Variants in ASTN1 observed in about 807,000 individuals in gnomAD.
The protein encoded by ASTN1 is astrotactin-1.
In ASTN1, 41 loss-of-function variants were observed where a neutral mutation model predicts 140.7. The ratio of observed to expected loss-of-function variants is 0.29; its 90% CI spans 0.23 to 0.38. The LOEUF is 0.38. Among genes scored for constraint, ASTN1 ranks in the 10% least tolerant of loss-of-function variants. The pLI is 1.00. For missense variants in ASTN1, 1,479 were observed against 1,678.8 expected (o/e 0.88, Z 2.08); for synonymous variants, 640 against 652.2 (o/e 0.98, Z 0.29).
intron 16 of ASTN1, among the ~76,000 whole-genome samples, chr1:176,905,028 A>G (rs1202887570): frequency 2.0e-5 from 3 of 152,184 alleles, no homozygotes; most frequent in African/African-American, 7.2e-5. Flanking sequence ...TACCTCTCAG[A>G]GCACCCCTGC....
At chr1:177,107,757 A>T (rs1487155648) in intron 1 of ASTN1, among the ~76,000 whole-genome samples, 5 of 152,180 alleles carry the variant, frequency 3.3e-5, no homozygotes, top group Non-Finnish European at 7.3e-5. Flanking sequence ...TGTATACTGC[A>T]CTATTCCTTC....
chr1:176,862,414 G>C lies in ASTN1; in HGVS notation c.*1870C>G. 2 of 985,468 alleles carry C rather than the reference G, an allele frequency of 2.0e-6. No individual in the cohort carries two copies. Among genetic ancestry groups the C allele is most frequent in the South Asian group, 4.7e-5 (1 of 21,288 alleles). 61.0% of individuals were successfully genotyped at this position (985,468 alleles called of 1,614,324 possible). On this transcript the variant is annotated 3_prime_UTR_variant, in exon 23 of 23. Transcript: ENST00000361833. The stretch of plus-strand genomic sequence containing the variant: ...GTCCCAAGGGTGCTCTAGCTCCAAA[G>C]GCTAAGGGCGTACTTTCGCCCCTCC...
At chr1:176,974,537 C>T (rs2101868801) in intron 8 of ASTN1, among the ~76,000 whole-genome samples, 1 of 152,188 alleles carries the variant, frequency 6.6e-6, no homozygotes, top group South Asian at 2.1e-4. Context: ...AGGTGCCCTC[C>T]ACCAGGCCCG....
Position 176,863,788 on chromosome 1 carries a change from T to C in ASTN1, c.*496A>G, listed in dbSNP as rs1302861650. 1 of 988,942 alleles carries C rather than the reference T, an allele frequency of 1.0e-6. No individual in the cohort carries two copies. 61.3% of individuals were successfully genotyped at this position (988,942 alleles called of 1,614,324 possible). A position where few individuals can be genotyped will look rare whatever the true frequency, so the allele number is the denominator to read the frequency against. ...CTCAATTTTCTATTGTCTCTCTCTG[T>C]GAGCAGGGCCAAGGCTCCCAGAGTG... On this transcript the variant is annotated 3_prime_UTR_variant, in exon 23 of 23. Coordinates refer to ENST00000361833, the MANE Select transcript of ASTN1 (RefSeq NM_004319.3).
At chr1:176,949,702 C>A (rs1234023079) in intron 11 of ASTN1, among the ~76,000 whole-genome samples, 1 of 152,226 alleles carries the variant, frequency 6.6e-6, no homozygotes, top group Non-Finnish European at 1.5e-5. Flanking sequence ...AATGAAAATG[C>A]ATTTGCAAAG....
chr1:176,888,624 T>C (rs79175195), intron 17 of ASTN1, among the ~76,000 whole-genome samples: 2,961 of 152,334 alleles, frequency 0.019, 78 homozygotes, highest in African/African-American at 0.068. Flanking sequence ...CTGTGCATCC[T>C]TATCTACCTG....
In ASTN1 at chr1:176,861,589, A is replaced by T; in HGVS notation, c.*2695T>A. 1.0e-6 allele frequency: 1 copy of T among 985,600 alleles called. No individual in the cohort carries two copies. Among genetic ancestry groups the T allele is most frequent in the Non-Finnish European group, 1.2e-6 (1 of 829,942 alleles). The allele number at this position is 985,600 out of a possible 1,614,324, so 61.1% of individuals were successfully genotyped here. ...AAATCCTCCAGTCAATTGTACAACC[A>T]TCCTAAGATTTTCCCCTGCCCTGTT... On this transcript the variant is annotated 3_prime_UTR_variant, in exon 23 of 23. Coordinates refer to ENST00000361833, the MANE Select transcript of ASTN1 (RefSeq NM_004319.3).
chr1:177,006,267 A>G (rs1266356698), intron 8 of ASTN1, among the ~76,000 whole-genome samples: 3 of 152,232 alleles, frequency 2.0e-5, no homozygotes, highest in Non-Finnish European at 2.9e-5. Flanking sequence ...GAACAAAAAT[A>G]TATACAGAAT....
chr1:176,864,955 T>C (rs970804641), intron 22 of ASTN1, among the ~76,000 whole-genome samples: 1 of 152,238 alleles, frequency 6.6e-6, no homozygotes, highest in East Asian at 1.9e-4. Flanking sequence ...GCAGCCGTTA[T>C]GTTGAACTGA....
intron 1 of ASTN1, among the ~76,000 whole-genome samples, chr1:177,096,371 A>G (rs181529573): frequency 1.8e-4 from 28 of 152,288 alleles, no homozygotes; most frequent in African/African-American, 6.3e-4. Flanking sequence ...GAATGCTATG[A>G]TCTGAATGTT....
chr1:177,040,720 C>G (rs1473498579), intron 2 of ASTN1, among the ~76,000 whole-genome samples: 1 of 152,156 alleles, frequency 6.6e-6, no homozygotes, highest in Non-Finnish European at 1.5e-5. Context: ...TTTGCTTCTC[C>G]TAGCTCTAAA....
chr1:176,904,058 C>G (rs1293740507), intron 16 of ASTN1, among the ~76,000 whole-genome samples: 2 of 152,216 alleles, frequency 1.3e-5, no homozygotes, highest in African/African-American at 2.4e-5. Flanking sequence ...GTCACCTCAT[C>G]TTAATGTAAT....
intron 1 of ASTN1, among the ~76,000 whole-genome samples, chr1:177,080,381 G>A (rs1679123187): frequency 6.6e-6 from 1 of 151,338 alleles, no homozygotes; most frequent in Non-Finnish European, 1.5e-5. Context: ...GCTGCCTTAT[G>A]TCCTTTAGAC....
At chr1:176,871,063 T>A (rs1159540997) in intron 21 of ASTN1, among the ~76,000 whole-genome samples, 1 of 152,168 alleles carries the variant, frequency 6.6e-6, no homozygotes, top group Admixed American at 6.5e-5. Flanking sequence ...TGGGAATAGA[T>A]GATGTATAAT....
chr1:176,924,890 G>A (rs1275105176), intron 16 of ASTN1, among the ~76,000 whole-genome samples: 1 of 152,132 alleles, frequency 6.6e-6, no homozygotes, highest in Non-Finnish European at 1.5e-5. Flanking sequence ...AAACTTTCTA[G>A]AGGGAAAAAT....
intron 2 of ASTN1, among the ~76,000 whole-genome samples, chr1:177,033,554 T>G (rs1032927353): frequency 6.6e-6 from 1 of 152,134 alleles, no homozygotes; most frequent in Admixed American, 6.5e-5. Flanking sequence ...TGAATAGAAA[T>G]TTACATCCAT....
intron 1 of ASTN1, among the ~76,000 whole-genome samples, chr1:177,064,549 C>T (rs529132070): frequency 7.2e-5 from 11 of 152,282 alleles, no homozygotes; most frequent in Non-Finnish European, 1.3e-4. Flanking sequence ...ACAAAGTACT[C>T]CCATGGGGAG....
intron 1 of ASTN1, among the ~76,000 whole-genome samples, chr1:177,084,406 C>A (rs994711682): frequency 6.6e-6 from 1 of 152,172 alleles, no homozygotes; most frequent in African/African-American, 2.4e-5. Context: ...TGTGTCCCCC[C>A]ACAAAGAGAA....
intron 8 of ASTN1, among the ~76,000 whole-genome samples, chr1:177,014,490 G>T (rs1571650740): frequency 6.6e-6 from 1 of 152,146 alleles, no homozygotes; most frequent in East Asian, 1.9e-4. Context: ...GCTAAATTCT[G>T]CCTGTGGAAT....
Sources: allele counts gnomAD v4.1 joint callset (sites outside exome capture counted in the v4.1 genomes callset), GRCh38; gene constraint gnomAD v4.1.1; transcripts MANE v1.5; gene names NCBI Gene and HGNC (gene_info 2026-07-23, HGNC 2026-07-21).